PTPRK: variants seen among roughly 807,000 people sequenced by gnomAD.
The protein encoded by PTPRK is protein tyrosine phosphatase receptor type K, also known as receptor-type tyrosine-protein phosphatase kappa.
A neutral mutation model predicts 178.0 loss-of-function variants in PTPRK; 75 were observed. That is an observed-to-expected ratio of 0.42 (90% CI 0.35 to 0.51). PTPRK has a LOEUF of 0.51. Ranked by LOEUF, PTPRK falls within the 20% of genes least tolerant of loss-of-function variation. The probability of loss-of-function intolerance (pLI) is 0.02; values close to 1 mark genes in which losing one functional copy is unlikely to be tolerated. For missense variants in PTPRK, 1,441 were observed against 1,797.8 expected, an observed-to-expected ratio of 0.80 and a Z score of 3.59; for synonymous variants, 637 against 620.6, an observed-to-expected ratio of 1.03 and a Z score of -0.39.
chr6:128,346,941 T>C (rs1271188491), intron 2 of PTPRK, among the ~76,000 whole-genome samples: 1 of 152,152 alleles, frequency 6.6e-6, no homozygotes. Context: ...AAAAGTCTGA[T>C]CTTAAGTGAC....
intron 1 of PTPRK, among the ~76,000 whole-genome samples, chr6:128,453,937 A>G (rs892429836): frequency 1.3e-5 from 2 of 152,204 alleles, no homozygotes; most frequent in African/African-American, 4.8e-5. Flanking sequence ...CAGGTAAAGC[A>G]AAGTTCTTCT....
At chr6:127,990,679 A>C in intron 21 of PTPRK, 90 bp downstream of exon 21, 1 of 791,290 alleles carries the variant, frequency 1.3e-6, no homozygotes, top group East Asian at 2.5e-5. Context: ...AATGGATTTT[A>C]TAGCATCATC....
chr6:128,332,116 C>T (rs1337615869), intron 2 of PTPRK, among the ~76,000 whole-genome samples: 4 of 152,106 alleles, frequency 2.6e-5, no homozygotes, highest in African/African-American at 7.2e-5. Context: ...ATTTAGAAAC[C>T]TGGCCAAGCA....
At chr6:127,982,295 C>T (rs1025104380) in intron 24 of PTPRK, among the ~76,000 whole-genome samples, 14 of 151,892 alleles carry the variant, frequency 9.2e-5, no homozygotes, top group East Asian at 1.9e-4. Flanking sequence ...TTTTCTGAGA[C>T]GGAGTCTCGC....
chr6:128,344,594 C>A (rs1832149778), intron 2 of PTPRK, among the ~76,000 whole-genome samples: 1 of 152,062 alleles, frequency 6.6e-6, no homozygotes, highest in Non-Finnish European at 1.5e-5. Flanking sequence ...TGGCTCACTG[C>A]AGCCCTGACC....
At chr6:127,999,583 G>A in intron 15 of PTPRK, among the ~76,000 whole-genome samples, 1 of 152,038 alleles carries the variant, frequency 6.6e-6, no homozygotes, top group East Asian at 1.9e-4. Flanking sequence ...AGAAATCAGG[G>A]CGCGCTTCTG....
chr6:128,153,701 T>C (rs1434950686), intron 7 of PTPRK, among the ~76,000 whole-genome samples: 1 of 151,990 alleles, frequency 6.6e-6, no homozygotes, highest in Non-Finnish European at 1.5e-5. Context: ...AAAGGCATTA[T>C]AACACTGTTC....
chr6:128,165,708 C>T (rs954848317), intron 7 of PTPRK, among the ~76,000 whole-genome samples: 2 of 151,094 alleles, frequency 1.3e-5, no homozygotes, highest in East Asian at 3.9e-4. Flanking sequence ...TACAAATTTT[C>T]AAATATGTCT....
intron 7 of PTPRK, among the ~76,000 whole-genome samples, chr6:128,176,152 C>T (rs1342230158): frequency 2.6e-5 from 4 of 151,608 alleles, no homozygotes; most frequent in African/African-American, 9.7e-5. Context: ...AGAGTGTGTA[C>T]ATATATATAT....
intron 1 of PTPRK, 140 bp downstream of exon 1, chr6:128,520,119 C>T (rs974740693): frequency 1.9e-5 from 13 of 681,194 alleles, no homozygotes; most frequent in Admixed American, 1.5e-4. Context: ...GGGGACAGCC[C>T]TCCCTCTACC....
chr6:128,127,191 TAACA>T (rs2114436624), intron 7 of PTPRK, among the ~76,000 whole-genome samples: 1 of 152,334 alleles, frequency 6.6e-6, no homozygotes, highest in South Asian at 2.1e-4. Flanking sequence ...TACTGTAGCT[TAACA>T]GTTATTCCTG....
intron 7 of PTPRK, among the ~76,000 whole-genome samples, chr6:128,165,422 G>A (rs1799259763): frequency 6.6e-6 from 1 of 151,122 alleles, no homozygotes; most frequent in Admixed American, 6.6e-5. Flanking sequence ...GCATGAGAGA[G>A]GTTTTGGTTA....
At chr6:128,351,066 C>T (rs1333593746) in intron 2 of PTPRK, among the ~76,000 whole-genome samples, 1 of 152,162 alleles carries the variant, frequency 6.6e-6, no homozygotes, top group African/African-American at 2.4e-5. Context: ...AAGAGACAGC[C>T]CTGAGTCTAC....
intron 1 of PTPRK, among the ~76,000 whole-genome samples, chr6:128,416,793 T>C (rs1325763194): frequency 6.6e-6 from 1 of 151,628 alleles, no homozygotes; most frequent in Non-Finnish European, 1.5e-5. Context: ...GTATACAGGA[T>C]AGATTGCAGA....
At chr6:128,015,407 T>G (rs1779495280) in intron 13 of PTPRK, among the ~76,000 whole-genome samples, 1 of 151,700 alleles carries the variant, frequency 6.6e-6, no homozygotes, top group African/African-American at 2.4e-5. Flanking sequence ...CACAGTTGAT[T>G]CTATCTGCTT....
At chr6:128,402,400 G>A (rs920965376) in intron 1 of PTPRK, among the ~76,000 whole-genome samples, 2 of 152,026 alleles carry the variant, frequency 1.3e-5, no homozygotes, top group South Asian at 2.1e-4. Flanking sequence ...GCTGGGACTC[G>A]TGCCACCATG....
At chr6:128,173,525 C>A (rs1800607133) in intron 7 of PTPRK, among the ~76,000 whole-genome samples, 1 of 151,866 alleles carries the variant, frequency 6.6e-6, no homozygotes, top group African/African-American at 2.4e-5. Context: ...TGCTGTCTGC[C>A]CTCTCTATGA....
At chr6:128,264,395 A>G (rs1738283) in intron 3 of PTPRK, among the ~76,000 whole-genome samples, 14,930 of 152,212 alleles carry the variant, frequency 0.098, 1,849 homozygotes, top group African/African-American at 0.29. Flanking sequence ...CAAATGCAAA[A>G]AACTGTACAG....
chr6:128,253,746 A>G (rs1315135658), intron 3 of PTPRK, among the ~76,000 whole-genome samples: 1 of 152,212 alleles, frequency 6.6e-6, no homozygotes, highest in Non-Finnish European at 1.5e-5. Flanking sequence ...ACAACTCTCA[A>G]TAGCTTTAAT....
Sources: allele counts gnomAD v4.1 joint callset (sites outside exome capture counted in the v4.1 genomes callset), GRCh38; gene constraint gnomAD v4.1.1; transcripts MANE v1.5; gene names NCBI Gene and HGNC (gene_info 2026-07-23, HGNC 2026-07-21).